Variants in KRT222 observed in about 807,000 individuals in gnomAD.
KRT222 encodes the protein keratin 222.
A neutral mutation model predicts 35.0 loss-of-function variants in KRT222; 23 were observed. That is an observed-to-expected ratio of 0.66 (90% CI 0.47 to 0.93). The LOEUF is 0.93. Among genes scored for constraint, KRT222 ranks in the 40% least tolerant of loss-of-function variants. The pLI, the probability that KRT222 is intolerant of heterozygous loss-of-function variation, is 0.00. For synonymous variants in KRT222, 108 were observed against 118.8 expected (o/e 0.91, Z 0.59); for missense variants, 339 against 346.3 (o/e 0.98, Z 0.17).
At chr17:40,657,274 G>T in intron 5 of KRT222, 78 bp downstream of exon 5, 2 of 960,286 alleles carry the variant, frequency 2.1e-6, no homozygotes, top group Non-Finnish European at 2.9e-6. Context: ...ACAAAGAAGA[G>T]TAATTACTGG....
chr17:40,655,166 C>T lies in KRT222; in HGVS notation c.*1236G>A, dbSNP rs1279506955. 4.6e-4 allele frequency: 70 copies of T among 150,646 alleles called. 1 individual carries two copies. Among genetic ancestry groups the T allele is most frequent in the East Asian group, 1.9e-4 (1 of 5,148 alleles). 9.3% of individuals were successfully genotyped at this position (150,646 alleles called of 1,614,324 possible). A position where few individuals can be genotyped will look rare whatever the true frequency, so the allele number is the denominator to read the frequency against. ...TACTAAAATGCTAACGTAGCTATAG[C>T]CCTTAGATGATACTTTAGCTGGGAA... On this transcript the variant is annotated 3_prime_UTR_variant, in exon 6 of 6. Transcript: ENST00000394052.
At chr17:40,657,776 A>G in intron 3 of KRT222, 26 bp from the exon 4 acceptor site, 2 of 1,476,310 alleles carry the variant, frequency 1.4e-6, no homozygotes, top group South Asian at 2.3e-5. Flanking sequence ...ATTTTATTTT[A>G]AGAGCAACAC....
chr17:40,660,339 G>A (rs2037374374), intron 2 of KRT222, 132 bp from the exon 3 acceptor site: 3 of 697,592 alleles, frequency 4.3e-6, no homozygotes, highest in East Asian at 2.7e-5. Context: ...GTAGTGCAAT[G>A]CCATGATCTC....
At chr17:40,659,229 C>G (rs1342669973) in intron 3 of KRT222, among the ~76,000 whole-genome samples, 1 of 151,394 alleles carries the variant, frequency 6.6e-6, no homozygotes, top group East Asian at 1.9e-4. Context: ...AGTCTCGGCT[C>G]ACTGCAACCT....
At chr17:40,659,009 G>A (rs2037363204) in intron 3 of KRT222, among the ~76,000 whole-genome samples, 1 of 152,172 alleles carries the variant, frequency 6.6e-6, no homozygotes, top group African/African-American at 2.4e-5. Flanking sequence ...GTGTGGTATA[G>A]GGTGAGCCCT....
At chr17:40,659,138 G>C (rs1258602359) in intron 3 of KRT222, among the ~76,000 whole-genome samples, 1 of 121,812 alleles carries the variant, frequency 8.2e-6, no homozygotes, top group Non-Finnish European at 1.6e-5. Flanking sequence ...AGTTAGGAAA[G>C]GTCTCTCTCT....
chr17:40,661,398 C>G (rs765120007), intron 2 of KRT222, among the ~76,000 whole-genome samples: 2 of 151,868 alleles, frequency 1.3e-5, no homozygotes, highest in Non-Finnish European at 2.9e-5. Flanking sequence ...TCCTAAGTTG[C>G]TGGGACAACA....
At position 40,655,067 on chromosome 17, in the gene KRT222, TATA is replaced by T. The variant is rs2037335450; in HGVS notation, c.*1332_*1334del. On this transcript the variant is annotated 3_prime_UTR_variant, in exon 6 of 6. Coordinates refer to ENST00000394052, the MANE Select transcript of KRT222 (RefSeq NM_152349.3). ...TATATAAATTATATATATGTATATA[TATA>T]ATAAGTATATATGGAGAGAGAGATA... 3 of 147,242 alleles carry T rather than the reference TATA, an allele frequency of 2.0e-5. No homozygotes were observed. In the Admixed American group the frequency reaches 2.0e-4, roughly 10 times the overall value. 9.1% of individuals were successfully genotyped at this position (147,242 alleles called of 1,614,324 possible). A position where few individuals can be genotyped will look rare whatever the true frequency, so the allele number is the denominator to read the frequency against.
At position 40,655,162 on chromosome 17, in the gene KRT222, A is replaced by G. The variant is rs577270793; in HGVS notation, c.*1240T>C. 1 of 151,048 alleles carries G rather than the reference A, an allele frequency of 6.6e-6. No individual in the cohort carries two copies. The highest frequency in any genetic ancestry group is 6.6e-5 in the Admixed American group (1 of 15,162). The allele number at this position is 151,048 out of a possible 1,614,324, so 9.4% of individuals were successfully genotyped here. ...GCTGTACTAAAATGCTAACGTAGCT[A>G]TAGCCCTTAGATGATACTTTAGCTG... On this transcript the variant is annotated 3_prime_UTR_variant, in exon 6 of 6. Coordinates refer to ENST00000394052, the MANE Select transcript of KRT222 (RefSeq NM_152349.3).
intron 5 of KRT222, 140 bp downstream of exon 5, chr17:40,657,212 A>AAAC: frequency 1.9e-6 from 1 of 539,748 alleles, no homozygotes; most frequent in South Asian, 5.5e-5. Flanking sequence ...CTCAATCTCA[A>AAAC]AAAAAAAAAA....
chr17:40,662,188 G>A, intron 1 of KRT222, 144 bp from the exon 2 acceptor site: 2 of 932,606 alleles, frequency 2.1e-6, no homozygotes, highest in Non-Finnish European at 3.1e-6. Flanking sequence ...GTGTGTCCTA[G>A]TGCCTAGTTA....
chr17:40,662,088 G>C (rs937933768), intron 1 of KRT222, 44 bp from the exon 2 acceptor site: 1 of 1,596,320 alleles, frequency 6.3e-7, no homozygotes, highest in Non-Finnish European at 8.5e-7. Context: ...AAAAAACAAG[G>C]AGTGCTTCTG....
rs190273212 is a variant in KRT222, at chr17:40,661,135, G to A, written c.225+781C>T. On this transcript the variant is annotated intron_variant, in intron 2 of 5. Coordinates refer to ENST00000394052, the MANE Select transcript of KRT222 (RefSeq NM_152349.3). ...AATTTTTTGTATTTTTAGGAGAGAT[G>A]TTTTCGCCATGTTGCTCAGGCTGGC... Among the ~76,000 whole-genome samples, 751 of 151,994 alleles carry A rather than the reference G, an allele frequency of 4.9e-3. 5 individuals are homozygous for A. The highest frequency in any genetic ancestry group is 0.017 in the African/African-American group (724 of 41,470).
intron 1 of KRT222, 167 bp downstream of exon 1, chr17:40,664,837 A>T: frequency 8.9e-7 from 1 of 1,126,338 alleles, no homozygotes; most frequent in Non-Finnish European, 1.2e-6. Context: ...TAATCACAGT[A>T]TTTCCCCCTG....
At chr17:40,663,884 T>G (rs1330759813) in intron 1 of KRT222, among the ~76,000 whole-genome samples, 1 of 152,206 alleles carries the variant, frequency 6.6e-6, no homozygotes, top group Non-Finnish European at 1.5e-5. Flanking sequence ...TTTTTAGAAG[T>G]TGTCATCTAT....
chr17:40,657,792 C>T (rs1206000753), intron 3 of KRT222, 42 bp from the exon 4 acceptor site: 2 of 1,316,394 alleles, frequency 1.5e-6, no homozygotes, highest in East Asian at 4.6e-5. Flanking sequence ...AACACTGTAT[C>T]AGCAAATAAT....
chr17:40,661,827 G>A, intron 2 of KRT222, 89 bp downstream of exon 2: 1 of 1,473,814 alleles, frequency 6.8e-7, no homozygotes, highest in South Asian at 1.3e-5. Context: ...GTTTCTCATG[G>A]TAAATAAACA....
chr17:40,657,065 A>C (rs1050188005), intron 5 of KRT222: 11 of 205,894 alleles, frequency 5.3e-5, no homozygotes, highest in Non-Finnish European at 1.1e-4. Context: ...AGAAAAACCC[A>C]GCTGAGTGTG....
chr17:40,658,233 CAA>C (rs2037358854), intron 3 of KRT222, among the ~76,000 whole-genome samples: 3 of 150,680 alleles, frequency 2.0e-5, no homozygotes, highest in Admixed American at 6.6e-5. Flanking sequence ...TTGTATATCT[CAA>C]GTGTAGCCTA....
Sources: gnomAD v4.1 joint callset for allele counts (sites outside exome capture counted in the v4.1 genomes callset) on GRCh38, gnomAD v4.1.1 for gene constraint, MANE v1.5 for transcripts, NCBI Gene and HGNC (gene_info 2026-07-23, HGNC 2026-07-21) for gene names.